Variants in TBL1X observed in about 807,000 individuals in gnomAD.
TBL1X encodes F-box-like/WD repeat-containing protein TBL1X.
Under a neutral mutation model 50.7 loss-of-function variants are expected in TBL1X, and 10 were observed. That is an observed-to-expected ratio of 0.20 (90% CI 0.12 to 0.33). The LOEUF is 0.33. Ranked by LOEUF, TBL1X falls within the 10% of genes least tolerant of loss-of-function variation. TBL1X has a pLI of 1.00. For missense variants in TBL1X, 340 were observed against 504.4 expected (o/e 0.67, Z 3.12); for synonymous variants, 190 against 214.7 (o/e 0.88, Z 1.01).
chrX:9,697,329 A>G, intron 11 of TBL1X, 40 bp from the exon 12 acceptor site: 1 of 1,202,352 alleles, frequency 8.3e-7, no homozygotes, highest in Non-Finnish European at 1.1e-6. Context: ...AAACTTTGCC[A>G]GAATAGTTAC....
chrX:9,578,833 A>G (rs916929500), intron 2 of TBL1X, among the ~76,000 whole-genome samples: 1 of 112,384 alleles, frequency 8.9e-6, no homozygotes, highest in African/African-American at 3.2e-5. Flanking sequence ...CTACTCAATG[A>G]AAATCACTTT....
chrX:9,481,511 GTT>G (rs1727171653), intron 1 of TBL1X, among the ~76,000 whole-genome samples: 1 of 111,986 alleles, frequency 8.9e-6, no homozygotes, highest in Non-Finnish European at 1.9e-5. Flanking sequence ...ATACAAATCT[GTT>G]TTCTTTTGTA....
At chrX:9,663,724 G>A (rs1487650802) in intron 5 of TBL1X, among the ~76,000 whole-genome samples, 1 of 102,577 alleles carries the variant, frequency 9.7e-6, no homozygotes, top group African/African-American at 3.7e-5. Context: ...TTGCACAGCT[G>A]CACTCCAGCC....
intron 2 of TBL1X, among the ~76,000 whole-genome samples, chrX:9,625,853 C>T (rs1468215914): frequency 2.7e-5 from 3 of 112,190 alleles, no homozygotes; most frequent in Non-Finnish European, 3.8e-5. Context: ...GCAGGAGAAT[C>T]GCTTGAACCC....
chrX:9,706,817 C>G (rs1272262722), intron 13 of TBL1X, among the ~76,000 whole-genome samples: 1 of 111,378 alleles, frequency 9.0e-6, no homozygotes, highest in Non-Finnish European at 1.9e-5. Context: ...AGCCAAGCAC[C>G]TTGCCCCGCG....
chrX:9,591,369 C>T (rs1469994211), intron 2 of TBL1X, among the ~76,000 whole-genome samples: 1 of 112,248 alleles, frequency 8.9e-6, no homozygotes, highest in Non-Finnish European at 1.9e-5. Context: ...GACCTTTCTT[C>T]TCTCAGACGC....
At chrX:9,690,728 G>T (rs2083091373) in intron 7 of TBL1X, among the ~76,000 whole-genome samples, 1 of 111,503 alleles carries the variant, frequency 9.0e-6, no homozygotes, top group South Asian at 3.8e-4. Flanking sequence ...TTGGATCATG[G>T]GCTGTAGTTA....
intron 2 of TBL1X, among the ~76,000 whole-genome samples, chrX:9,632,920 C>T (rs908017010): frequency 8.9e-6 from 1 of 112,094 alleles, no homozygotes; most frequent in Non-Finnish European, 1.9e-5. Flanking sequence ...CTGTCTCTCT[C>T]ATTTTGTACA....
intron 2 of TBL1X, among the ~76,000 whole-genome samples, chrX:9,615,694 A>G (rs1433167421): frequency 1.8e-5 from 2 of 112,176 alleles, no homozygotes; most frequent in Non-Finnish European, 1.9e-5. Context: ...GATTAGAGGG[A>G]GTAGTGAAGA....
In TBL1X at chrX:9,488,305, A is replaced by G. The variant is rs1601709739; in HGVS notation, c.-200-13475A>G. 3.6e-5 allele frequency among the ~76,000 whole-genome samples: 4 copies of G among 112,598 alleles called. No individual in the cohort carries two copies. The South Asian group carries it at 1.5e-3, about 41-fold the overall frequency. The stretch of plus-strand genomic sequence containing the variant: ...CTGTGCTAAAATCAAGGTTTAGCAG[A>G]GCCACAACTTTCCTGGAAGCTCTAG... On this transcript the variant is annotated intron_variant, in intron 1 of 17. Transcript: ENST00000645353.
intron 2 of TBL1X, among the ~76,000 whole-genome samples, chrX:9,523,065 C>G (rs2082114020): frequency 8.9e-6 from 1 of 112,007 alleles, no homozygotes; most frequent in Non-Finnish European, 1.9e-5. Flanking sequence ...TCTACACAGA[C>G]TCTCCACTTG....
At chrX:9,585,328 A>ACCCCCCCCCCC (rs1262756915) in intron 2 of TBL1X, among the ~76,000 whole-genome samples, 14 of 54,617 alleles carry the variant, frequency 2.6e-4, no homozygotes, top group African/African-American at 3.1e-4. Flanking sequence ...GCTCCATGCC[A>ACCCCCCCCCCC]CCCCCCTCCC....
intron 5 of TBL1X, among the ~76,000 whole-genome samples, chrX:9,673,641 A>G (rs2082973159): frequency 8.9e-6 from 1 of 112,401 alleles, no homozygotes. Context: ...ATGTGTATCT[A>G]TATCTACCTA....
intron 1 of TBL1X, among the ~76,000 whole-genome samples, chrX:9,480,098 A>G (rs2081872944): frequency 9.0e-6 from 1 of 110,848 alleles, no homozygotes. Context: ...GAGATTAAGG[A>G]CATGCGCCAC....
intron 7 of TBL1X, among the ~76,000 whole-genome samples, chrX:9,689,574 T>C (rs1278906013): frequency 9.0e-6 from 1 of 111,622 alleles, no homozygotes; most frequent in African/African-American, 3.3e-5. Flanking sequence ...TTCACCCTGG[T>C]TGAACTTCTG....
intron 2 of TBL1X, among the ~76,000 whole-genome samples, chrX:9,548,134 T>G: frequency 9.1e-6 from 1 of 110,041 alleles, no homozygotes; most frequent in Middle Eastern, 4.6e-3. Context: ...ATACAAAAGT[T>G]ACTTAATTTT....
chrX:9,597,445 A>C (rs2082531965), intron 2 of TBL1X, among the ~76,000 whole-genome samples: 1 of 111,341 alleles, frequency 9.0e-6, no homozygotes. Context: ...AGAAGTCTTT[A>C]CCTTTCATCT....
chrX:9,520,540 A>G (rs941974324), intron 2 of TBL1X, among the ~76,000 whole-genome samples: 2 of 111,531 alleles, frequency 1.8e-5, no homozygotes, highest in African/African-American at 6.5e-5. Flanking sequence ...ACCTAGAGTT[A>G]TCAGGGCTGC....
chrX:9,546,553 A>G (rs1288097838), intron 2 of TBL1X, among the ~76,000 whole-genome samples: 1 of 110,614 alleles, frequency 9.0e-6, no homozygotes, highest in Non-Finnish European at 1.9e-5. Context: ...AAAAAACTCC[A>G]CCAAGTCTGT....
Sources: gnomAD v4.1 joint callset for allele counts (sites outside exome capture counted in the v4.1 genomes callset) on GRCh38, gnomAD v4.1.1 for gene constraint, MANE v1.5 for transcripts, NCBI Gene and HGNC (gene_info 2026-07-23, HGNC 2026-07-21) for gene names.